Variants in ULK4 observed in about 807,000 individuals in gnomAD.
ULK4 encodes the protein unc-51 like kinase 4.
ULK4 carries 133 observed loss-of-function variants against 160.6 expected under a neutral mutation model. The ratio of observed to expected loss-of-function variants is 0.83; its 90% confidence interval spans 0.72 to 0.96. The LOEUF is 0.96. ULK4 is among the 40% of genes least tolerant of loss of function. The pLI is 0.00. For synonymous variants in ULK4, 534 were observed against 539.8 expected (o/e 0.99, Z 0.15); for missense variants, 1,580 against 1,499.5 (o/e 1.05, Z -0.89).
At chr3:41,907,485 G>A (rs1045109660) in intron 12 of ULK4, among the ~76,000 whole-genome samples, 1 of 151,724 alleles carries the variant, frequency 6.6e-6, no homozygotes, top group Non-Finnish European at 1.5e-5. Context: ...TTTTTATGAG[G>A]ACAGGGTCTC....
intron 33 of ULK4, 41 bp downstream of exon 33, chr3:41,463,046 G>T: frequency 6.3e-7 from 1 of 1,582,496 alleles, no homozygotes; most frequent in South Asian, 1.1e-5. Flanking sequence ...AGCATGAAAT[G>T]GAGTAGGGCT....
At chr3:41,529,281 A>G (rs7624356) in intron 32 of ULK4, among the ~76,000 whole-genome samples, 42,400 of 152,076 alleles carry the variant, frequency 0.28, 6,396 homozygotes, top group African/African-American at 0.39. Flanking sequence ...AGTTGGAGCA[A>G]AACTCCTAAA....
intron 30 of ULK4, among the ~76,000 whole-genome samples, chr3:41,658,356 G>T (rs1182463008): frequency 6.6e-6 from 1 of 152,112 alleles, no homozygotes; most frequent in South Asian, 2.1e-4. Context: ...GTATGGCCTG[G>T]ACTTCAAATT....
chr3:41,616,113 T>C (rs1196122272), intron 30 of ULK4, among the ~76,000 whole-genome samples: 1 of 152,240 alleles, frequency 6.6e-6, no homozygotes, highest in Non-Finnish European at 1.5e-5. Context: ...ATTAGCTGTA[T>C]TCTCAGCATT....
At position 41,328,601 on chromosome 3, in the gene ULK4, G is replaced by T. The variant is rs184749744; in HGVS notation, c.3678+69478C>A. Among the ~76,000 whole-genome samples, 1,358 of 152,306 alleles carry T rather than the reference G, an allele frequency of 8.9e-3. 22 individuals carry two copies. The highest frequency in any genetic ancestry group is 0.011 in the Non-Finnish European group (752 of 68,030). The stretch of plus-strand genomic sequence containing the variant: ...AGATTCCACTGGTAGAAGTTACAGT[G>T]AGAAATTGCAGGCTTCGTAGAAGGC... On this transcript the variant is annotated intron_variant, in intron 35 of 36. Coordinates refer to ENST00000301831, the MANE Select transcript of ULK4 (RefSeq NM_017886.4).
At chr3:41,698,130 G>A (rs925575763) in intron 27 of ULK4, among the ~76,000 whole-genome samples, 3 of 152,138 alleles carry the variant, frequency 2.0e-5, no homozygotes, top group African/African-American at 7.2e-5. Flanking sequence ...TACCATCTAG[G>A]TTGGTGTAAG....
At chr3:41,886,258 T>C (rs890932341) in intron 16 of ULK4, among the ~76,000 whole-genome samples, 16 of 152,208 alleles carry the variant, frequency 1.1e-4, no homozygotes, top group Admixed American at 6.5e-5. Flanking sequence ...AACTAAAATG[T>C]TGTAGTTACT....
intron 35 of ULK4, among the ~76,000 whole-genome samples, chr3:41,391,724 C>T (rs911516885): frequency 2.0e-5 from 3 of 151,792 alleles, no homozygotes; most frequent in African/African-American, 7.3e-5. Flanking sequence ...TGAGAAGGGC[C>T]GATACCTATA....
At position 41,347,149 on chromosome 3, in the gene ULK4, C is replaced by T. The variant is rs1575454048; in HGVS notation, c.3678+50930G>A. Among the ~76,000 whole-genome samples, 6 of 152,244 alleles carry T rather than the reference C, an allele frequency of 3.9e-5. No homozygotes were observed. The South Asian group carries it at 1.2e-3, about 32-fold the overall frequency. On this transcript the variant is annotated intron_variant, in intron 35 of 36. Transcript: ENST00000301831. ...ATAAAGCAGGCACTAAATAAAAGTG[C>T]CGTCGCTGCAGCTCTAGCTGAGTTC... is the stretch of plus-strand genomic sequence containing the variant.
intron 1 of ULK4, among the ~76,000 whole-genome samples, chr3:41,960,155 A>G (rs1040495679): frequency 2.0e-5 from 3 of 151,916 alleles, no homozygotes; most frequent in Non-Finnish European, 4.4e-5. Flanking sequence ...CATCCAGCCC[A>G]TCTTGAAATT....
chr3:41,953,234 A>C (rs1200594882), intron 2 of ULK4, among the ~76,000 whole-genome samples: 2 of 148,954 alleles, frequency 1.3e-5, no homozygotes, highest in African/African-American at 4.9e-5. Context: ...ATATATATAC[A>C]CACACATATA....
At chr3:41,369,482 G>A (rs2081318594) in intron 35 of ULK4, among the ~76,000 whole-genome samples, 1 of 131,956 alleles carries the variant, frequency 7.6e-6, no homozygotes, top group Admixed American at 7.4e-5. Flanking sequence ...CAAATGGAGT[G>A]AGACCCTGTC....
intron 23 of ULK4, 27 bp downstream of exon 23, chr3:41,717,701 G>C: frequency 6.3e-7 from 1 of 1,584,250 alleles, no homozygotes; most frequent in South Asian, 1.1e-5. Context: ...AGCAGAAATG[G>C]GGCCTGAGGA....
In ULK4 at chr3:41,641,269, T is replaced by C. The variant is rs114341995; in HGVS notation, c.3071+22338A>G. Among the ~76,000 whole-genome samples the C allele has an allele frequency of 8.7e-3, 1,323 of 152,310 alleles. 10 individuals are homozygous for C. Among genetic ancestry groups the C allele is most frequent in the Non-Finnish European group, 0.015 (990 of 68,024 alleles). ...TAGATGTCAATTATGATATACAACA[T>C]CTAAGCCATTCAGAAGATAAAATCC... is the stretch of plus-strand genomic sequence containing the variant. On this transcript the variant is annotated intron_variant, in intron 30 of 36. Transcript: ENST00000301831.
At chr3:41,658,535 T>C (rs922506862) in intron 30 of ULK4, among the ~76,000 whole-genome samples, 1 of 152,284 alleles carries the variant, frequency 6.6e-6, no homozygotes, top group East Asian at 1.9e-4. Context: ...CACCAAAAGA[T>C]TAGGAAAGAA....
intron 30 of ULK4, among the ~76,000 whole-genome samples, chr3:41,626,148 T>C (rs975587473): frequency 6.6e-6 from 1 of 152,192 alleles, no homozygotes; most frequent in Non-Finnish European, 1.5e-5. Flanking sequence ...GTTTATATTA[T>C]TAACAAAGGA....
At chr3:41,303,503 G>T (rs1258788477) in intron 35 of ULK4, among the ~76,000 whole-genome samples, 1 of 152,158 alleles carries the variant, frequency 6.6e-6, no homozygotes. Flanking sequence ...ATTCAGTGAG[G>T]TTAGTGAGGT....
chr3:41,718,468 G>A (rs754751658), intron 22 of ULK4, among the ~76,000 whole-genome samples: 69 of 152,094 alleles, frequency 4.5e-4, no homozygotes, highest in Non-Finnish European at 9.0e-4. Flanking sequence ...CTTCCAACCC[G>A]GAACTAGGGA....
At chr3:41,651,928 G>C (rs2034759797) in intron 30 of ULK4, among the ~76,000 whole-genome samples, 1 of 152,140 alleles carries the variant, frequency 6.6e-6, no homozygotes, top group South Asian at 2.1e-4. Flanking sequence ...CATCACCATG[G>C]AGAGCTCTCT....
Sources: gnomAD v4.1 joint callset for allele counts (sites outside exome capture counted in the v4.1 genomes callset) on GRCh38, gnomAD v4.1.1 for gene constraint, MANE v1.5 for transcripts, NCBI Gene and HGNC (gene_info 2026-07-23, HGNC 2026-07-21) for gene names.